Variants in TUFT1 observed in about 807,000 individuals in gnomAD.
TUFT1 encodes the protein tuftelin.
TUFT1 carries 43 observed loss-of-function variants against 57.8 expected under a neutral mutation model. The ratio of observed to expected loss-of-function variants is 0.74; its 90% CI spans 0.58 to 0.96. The LOEUF (loss-of-function observed/expected upper bound fraction) is 0.96. TUFT1 is among the 40% of genes least tolerant of loss of function. The probability of loss-of-function intolerance (pLI) is 0.00; values close to 1 mark genes in which losing one functional copy is unlikely to be tolerated. For missense variants in TUFT1, 459 were observed against 489.0 expected (o/e 0.94, Z 0.58); for synonymous variants, 166 against 176.7 (o/e 0.94, Z 0.48).
intron 1 of TUFT1, among the ~76,000 whole-genome samples, chr1:151,558,475 T>C (rs1665784737): frequency 6.6e-6 from 1 of 152,166 alleles, no homozygotes; most frequent in South Asian, 2.1e-4. Flanking sequence ...TGAAGTTTGC[T>C]TGGCTTCTTG....
intron 1 of TUFT1, among the ~76,000 whole-genome samples, chr1:151,549,432 C>G (rs1440556657): frequency 6.6e-6 from 1 of 152,198 alleles, no homozygotes; most frequent in African/African-American, 2.4e-5. Context: ...AGAGAGAGCC[C>G]TAAGTTTTTC....
chr1:151,565,673 A>C (rs926585960), intron 5 of TUFT1, among the ~76,000 whole-genome samples: 2 of 152,236 alleles, frequency 1.3e-5, no homozygotes, highest in Non-Finnish European at 2.9e-5. Context: ...GCTTTGGGTC[A>C]GAAATAATTG....
At chr1:151,554,720 T>TTTC (rs1227623315) in intron 1 of TUFT1, among the ~76,000 whole-genome samples, 1 of 137,750 alleles carries the variant, frequency 7.3e-6, no homozygotes, top group African/African-American at 2.7e-5. Context: ...TTTTTTTTTT[T>TTTC]TGAGACAGAG....
chr1:151,565,027 G>T (rs1003142271), intron 5 of TUFT1: 1 of 156,948 alleles, frequency 6.4e-6, no homozygotes, highest in South Asian at 1.9e-4. Flanking sequence ...TACCTGTAGC[G>T]TAAATTGAAG....
chr1:151,561,840 A>G (rs1251893187), intron 1 of TUFT1: 1 of 1,467,204 alleles, frequency 6.8e-7, no homozygotes, highest in Non-Finnish European at 9.1e-7. Flanking sequence ...CTGGAGCTCT[A>G]CAGAGCCATG....
At chr1:151,552,707 CA>C (rs869244649) in intron 1 of TUFT1, among the ~76,000 whole-genome samples, 23 of 53,484 alleles carry the variant, frequency 4.3e-4, no homozygotes, top group Admixed American at 2.3e-3. Flanking sequence ...GACTCTGTCT[CA>C]AAAAAAAAAA....
At chr1:151,579,925 T>G (rs1372910412) in intron 11 of TUFT1, among the ~76,000 whole-genome samples, 193 bp downstream of exon 11, 1 of 152,100 alleles carries the variant, frequency 6.6e-6, no homozygotes, top group Non-Finnish European at 1.5e-5. Context: ...CTGCTAACAA[T>G]GATGAGATGA....
intron 1 of TUFT1, among the ~76,000 whole-genome samples, chr1:151,552,327 G>T (rs1665537146): frequency 6.6e-6 from 1 of 152,116 alleles, no homozygotes; most frequent in Non-Finnish European, 1.5e-5. Flanking sequence ...TGCTTTTATG[G>T]GAAACATATG....
At chr1:151,561,499 ACACACACT>A in intron 1 of TUFT1, 1 of 917,452 alleles carries the variant, frequency 1.1e-6, no homozygotes, top group Non-Finnish European at 1.3e-6. Context: ...ACACACACAC[ACACACACT>A]TCTTTGACTT....
chr1:151,542,041 T>G (rs939680852), intron 1 of TUFT1, among the ~76,000 whole-genome samples: 7 of 152,054 alleles, frequency 4.6e-5, no homozygotes, highest in African/African-American at 1.2e-4. Context: ...TCTTTTGGAA[T>G]AGTTGAGGGA....
At chr1:151,569,203 G>A (rs1024757966) in intron 6 of TUFT1, among the ~76,000 whole-genome samples, 1 of 152,196 alleles carries the variant, frequency 6.6e-6, no homozygotes, top group South Asian at 2.1e-4. Context: ...GCTGAGAATG[G>A]TAAAGGATGT....
At chr1:151,576,341 AT>A (rs1243862759) in intron 9 of TUFT1, among the ~76,000 whole-genome samples, 2 of 152,120 alleles carry the variant, frequency 1.3e-5, no homozygotes, top group Non-Finnish European at 2.9e-5. Flanking sequence ...TACACCAAAT[AT>A]GTGGGTTTTC....
intron 1 of TUFT1, among the ~76,000 whole-genome samples, chr1:151,561,006 GTGTT>G (rs1407885131): frequency 8.0e-6 from 1 of 125,084 alleles, no homozygotes; most frequent in East Asian, 2.2e-4. Flanking sequence ...GTGTGTGTGA[GTGTT>G]TGAGACGGAG....
At chr1:151,544,114 C>A (rs1416717104) in intron 1 of TUFT1, among the ~76,000 whole-genome samples, 1 of 151,866 alleles carries the variant, frequency 6.6e-6, no homozygotes, top group East Asian at 1.9e-4. Context: ...TCCCAAGTAG[C>A]TGGGACCACA....
intron 7 of TUFT1, among the ~76,000 whole-genome samples, chr1:151,572,474 CAGAA>C (rs1666287468): frequency 1.3e-5 from 2 of 151,730 alleles, no homozygotes; most frequent in Admixed American, 1.3e-4. Flanking sequence ...TATTTATGTA[CAGAA>C]ATGTACATAA....
At chr1:151,554,501 G>A (rs947400124) in intron 1 of TUFT1, among the ~76,000 whole-genome samples, 5 of 152,038 alleles carry the variant, frequency 3.3e-5, no homozygotes, top group African/African-American at 1.2e-4. Flanking sequence ...CCGGGTTCAG[G>A]CAATTCTCCC....
intron 5 of TUFT1, 200 bp from the exon 6 acceptor site, chr1:151,565,963 G>T: frequency 3.8e-5 from 17 of 449,930 alleles, no homozygotes; most frequent in South Asian, 9.9e-5. Flanking sequence ...CTTTCGCTTC[G>T]TTCCTTCTTC....
intron 1 of TUFT1, among the ~76,000 whole-genome samples, chr1:151,559,951 G>A (rs1406555336): frequency 6.6e-6 from 1 of 151,534 alleles, no homozygotes; most frequent in Non-Finnish European, 1.5e-5. Context: ...CCACCACCAC[G>A]CCTGGCTAAT....
intron 1 of TUFT1, among the ~76,000 whole-genome samples, chr1:151,554,020 G>A (rs528382647): frequency 2.2e-5 from 3 of 138,090 alleles, no homozygotes; most frequent in East Asian, 5.5e-4. Context: ...TGTCTGGCTG[G>A]CTGTCTCCCT....
Sources: gnomAD v4.1 joint callset for allele counts (sites outside exome capture counted in the v4.1 genomes callset) on GRCh38, gnomAD v4.1.1 for gene constraint, MANE v1.5 for transcripts, NCBI Gene and HGNC (gene_info 2026-07-23, HGNC 2026-07-21) for gene names.